The following FAM168A variants were observed in gnomAD, a reference collection of about 807,000 sequenced individuals.
FAM168A encodes protein FAM168A.
FAM168A carries 3 observed loss-of-function variants against 28.5 expected under a neutral mutation model. The ratio of observed to expected loss-of-function variants is 0.11; its 90% CI spans 0.05 to 0.27. The LOEUF is 0.27. FAM168A is among the 10% of genes least tolerant of loss of function. The pLI, the probability that FAM168A is intolerant of heterozygous loss-of-function variation, is 1.00. For missense variants in FAM168A, 222 were observed against 311.5 expected (o/e 0.71, Z 2.16); for synonymous variants, 122 against 124.2 (o/e 0.98, Z 0.12).
At chr11:73,519,037 G>A (rs1194256777) in intron 1 of FAM168A, among the ~76,000 whole-genome samples, 1 of 152,094 alleles carries the variant, frequency 6.6e-6, no homozygotes, top group African/African-American at 2.4e-5. Context: ...CAGCCTACAG[G>A]ACCATGAGCC....
chr11:73,509,321 AC>A (rs1275664549), intron 1 of FAM168A, among the ~76,000 whole-genome samples: 1 of 152,212 alleles, frequency 6.6e-6, no homozygotes, highest in Non-Finnish European at 1.5e-5. Context: ...TCATTTGTTA[AC>A]AAATCTCCAA....
intron 1 of FAM168A, among the ~76,000 whole-genome samples, chr11:73,546,326 C>A (rs952747988): frequency 1.3e-5 from 2 of 152,184 alleles, no homozygotes; most frequent in Admixed American, 6.5e-5. Context: ...ATAGAGTATA[C>A]CCCAGCAAAT....
At chr11:73,507,824 T>C (rs966486173) in intron 1 of FAM168A, among the ~76,000 whole-genome samples, 2 of 152,138 alleles carry the variant, frequency 1.3e-5, no homozygotes, top group Non-Finnish European at 2.9e-5. Flanking sequence ...GAAACCAGCA[T>C]ATATGAAGGG....
At chr11:73,589,540 T>TATCC (rs371403189) in intron 1 of FAM168A, among the ~76,000 whole-genome samples, 25 of 150,612 alleles carry the variant, frequency 1.7e-4, no homozygotes, top group African/African-American at 5.9e-4. Flanking sequence ...ATTTTCATGA[T>TATCC]ATCCACTACA....
intron 1 of FAM168A, among the ~76,000 whole-genome samples, chr11:73,532,780 G>A (rs567683692): frequency 6.6e-6 from 1 of 152,278 alleles, no homozygotes; most frequent in South Asian, 2.1e-4. Flanking sequence ...GACTTAGGGC[G>A]GATGCATCAT....
At chr11:73,594,006 A>G (rs747662809) in intron 1 of FAM168A, among the ~76,000 whole-genome samples, 2 of 152,228 alleles carry the variant, frequency 1.3e-5, no homozygotes, top group Non-Finnish European at 2.9e-5. Context: ...CTTAGCAGAC[A>G]TTCATTAAAT....
chr11:73,500,256 CTTTTT>C (rs57040993), intron 1 of FAM168A, among the ~76,000 whole-genome samples: 1 of 122,592 alleles, frequency 8.2e-6, no homozygotes, highest in Non-Finnish European at 1.7e-5. Context: ...CCCAGAATTC[CTTTTT>C]TTTTTTTTTT....
chr11:73,584,789 T>C (rs998598508), intron 1 of FAM168A, among the ~76,000 whole-genome samples: 14 of 152,238 alleles, frequency 9.2e-5, no homozygotes, highest in Middle Eastern at 3.4e-3. Flanking sequence ...CTGACATTTT[T>C]AATTGAGAAA....
At chr11:73,495,470 C>A (rs1393234721) in intron 1 of FAM168A, among the ~76,000 whole-genome samples, 2 of 152,238 alleles carry the variant, frequency 1.3e-5, no homozygotes, top group African/African-American at 4.8e-5. Flanking sequence ...CTGGCCCACT[C>A]ACCACCAATC....
At chr11:73,438,945 C>T (rs1422275834) in intron 2 of FAM168A, among the ~76,000 whole-genome samples, 1 of 150,472 alleles carries the variant, frequency 6.6e-6, no homozygotes, top group East Asian at 2.0e-4. Flanking sequence ...AGTACTATCC[C>T]CCCGCCTCAC....
At chr11:73,586,772 G>C (rs1223776814) in intron 1 of FAM168A, among the ~76,000 whole-genome samples, 1 of 152,118 alleles carries the variant, frequency 6.6e-6, no homozygotes, top group Non-Finnish European at 1.5e-5. Flanking sequence ...AGGGTAGGGA[G>C]ACCTAATATA....
At chr11:73,425,596 T>G (rs1235984969) in intron 3 of FAM168A, among the ~76,000 whole-genome samples, 1 of 152,214 alleles carries the variant, frequency 6.6e-6, no homozygotes, top group African/African-American at 2.4e-5. Context: ...ACTGCCTTTT[T>G]TGGAGACAGT....
chr11:73,532,816 G>A (rs1475801975), intron 1 of FAM168A, among the ~76,000 whole-genome samples: 1 of 152,178 alleles, frequency 6.6e-6, no homozygotes, highest in Non-Finnish European at 1.5e-5. Context: ...AGCAGGAGTT[G>A]GAGTCAAAAG....
intron 1 of FAM168A, among the ~76,000 whole-genome samples, chr11:73,587,906 C>A (rs1009437073): frequency 1.3e-5 from 2 of 152,056 alleles, no homozygotes; most frequent in Admixed American, 1.3e-4. Flanking sequence ...TGTGCCACCA[C>A]GCCCAGCAAA....
chr11:73,533,467 C>A (rs3108791), intron 1 of FAM168A, among the ~76,000 whole-genome samples: 152,242 of 152,242 alleles, frequency 1, 76,121 homozygotes, highest in Non-Finnish European at 1. Flanking sequence ...TCTAATAAAC[C>A]GTAATTTGGG....
intron 1 of FAM168A, among the ~76,000 whole-genome samples, chr11:73,496,467 C>T (rs1854877581): frequency 6.6e-6 from 1 of 152,248 alleles, no homozygotes; most frequent in Non-Finnish European, 1.5e-5. Context: ...AGATCTATCA[C>T]ACAATGAAGT....
intron 1 of FAM168A, among the ~76,000 whole-genome samples, chr11:73,597,420 C>T (rs1350115643): frequency 6.6e-6 from 1 of 151,996 alleles, no homozygotes; most frequent in African/African-American, 2.4e-5. Flanking sequence ...CAAATTCCAC[C>T]CTTCTGAATT....
chr11:73,484,287 A>T (rs1322361300), intron 1 of FAM168A, among the ~76,000 whole-genome samples: 1 of 152,136 alleles, frequency 6.6e-6, no homozygotes, highest in Non-Finnish European at 1.5e-5. Flanking sequence ...TGAATAGCCC[A>T]GCCTATGAGG....
At chr11:73,447,225 T>C (rs1164936606) in intron 2 of FAM168A, among the ~76,000 whole-genome samples, 1 of 152,134 alleles carries the variant, frequency 6.6e-6, no homozygotes, top group Non-Finnish European at 1.5e-5. Flanking sequence ...CTAGTTTTTC[T>C]TATATTCCTT....
Sources: gnomAD v4.1 joint callset for allele counts (sites outside exome capture counted in the v4.1 genomes callset) on GRCh38, gnomAD v4.1.1 for gene constraint, MANE v1.5 for transcripts, NCBI Gene and HGNC (gene_info 2026-07-23, HGNC 2026-07-21) for gene names.